MYO16: variants seen among roughly 807,000 people sequenced by gnomAD.
The protein encoded by MYO16 is unconventional myosin-XVI.
MYO16 carries 94 observed loss-of-function variants against 205.3 expected under a neutral mutation model. That is an observed-to-expected ratio of 0.46 (90% CI 0.39 to 0.54). The LOEUF is 0.54. MYO16 is among the 20% of genes least tolerant of loss of function. The pLI, the probability that MYO16 is intolerant of heterozygous loss-of-function variation, is 0.00. For synonymous variants in MYO16, 988 were observed against 954.0 expected (o/e 1.04, Z -0.66); for missense variants, 2,315 against 2,387.5 (o/e 0.97, Z 0.63).
intron 22 of MYO16, among the ~76,000 whole-genome samples, chr13:109,010,497 A>T (rs1444485230): frequency 2.0e-5 from 3 of 152,222 alleles, no homozygotes; most frequent in Non-Finnish European, 2.9e-5. Flanking sequence ...TTTGGAGCAG[A>T]ATCAGTTAGC....
chr13:109,146,546 G>A (rs1410284786), intron 32 of MYO16, among the ~76,000 whole-genome samples: 1 of 152,120 alleles, frequency 6.6e-6, no homozygotes, highest in East Asian at 1.9e-4. Context: ...CCTTTGGGAG[G>A]TTGAGGTGGA....
chr13:108,896,228 C>T (rs1260997121), intron 14 of MYO16, among the ~76,000 whole-genome samples: 1 of 152,022 alleles, frequency 6.6e-6, no homozygotes, highest in Non-Finnish European at 1.5e-5. Flanking sequence ...ATTTTTATGA[C>T]TTTAAAAATA....
At chr13:108,987,560 G>T (rs1450501576) in intron 20 of MYO16, among the ~76,000 whole-genome samples, 1 of 152,216 alleles carries the variant, frequency 6.6e-6, no homozygotes, top group Non-Finnish European at 1.5e-5. Flanking sequence ...GCATAGCTCG[G>T]CATCTCCAGG....
At position 108,901,050 on chromosome 13, in the gene MYO16, C is replaced by T. The variant is rs530868229; in HGVS notation, c.1777+2917C>T. Among the ~76,000 whole-genome samples, 149 of 152,240 alleles carry T rather than the reference C, an allele frequency of 9.8e-4. 1 individual carries two copies. The highest frequency in any genetic ancestry group is 3.4e-3 in the Middle Eastern group (1 of 294). On this transcript the variant is annotated intron_variant, in intron 15 of 34. Transcript: ENST00000457511. Reference sequence around the variant, plus strand: ...CACAGCACTCCCAGGCTTATTAGGACGAGGAAATTCCCGCCTAATAAATTT... The same window carrying T: ...CACAGCACTCCCAGGCTTATTAGGATGAGGAAATTCCCGCCTAATAAATTT...
rs75842231 is a variant in MYO16 at position 108,654,038 on chromosome 13, G to C, written c.29-11848G>C. On this transcript the variant is annotated intron_variant, in intron 1 of 34. Transcript: ENST00000457511. ...CACAGCATGGAGTGTCTCTGCTTGA[G>C]TCAAGGGGACATGTTTTTGTATCCT... is the stretch of plus-strand genomic sequence containing the variant. Among the ~76,000 whole-genome samples the C allele has an allele frequency of 9.8e-3, 1,495 of 152,152 alleles. 15 individuals carry two copies. Among genetic ancestry groups the C allele is most frequent in the Non-Finnish European group, 0.015 (1,038 of 68,004 alleles).
At chr13:108,809,506 G>A (rs886504932) in intron 7 of MYO16, among the ~76,000 whole-genome samples, 2 of 152,120 alleles carry the variant, frequency 1.3e-5, no homozygotes, top group African/African-American at 4.8e-5. Context: ...AATGTGAAGC[G>A]GGAACAGGCA....
chr13:109,001,518 G>C (rs1885211734), intron 21 of MYO16, among the ~76,000 whole-genome samples: 1 of 152,116 alleles, frequency 6.6e-6, no homozygotes, highest in African/African-American at 2.4e-5. Flanking sequence ...AAGAATGGTA[G>C]GAAAGAAAGG....
intron 16 of MYO16, 28 bp downstream of exon 16, chr13:108,910,178 A>G (rs1221723870): frequency 6.3e-7 from 1 of 1,593,278 alleles, no homozygotes; most frequent in East Asian, 2.2e-5. Context: ...TTGTATCTAA[A>G]AGCTATGCCT....
At chr13:109,071,945 A>G (rs553566124) in intron 27 of MYO16, among the ~76,000 whole-genome samples, 1 of 152,346 alleles carries the variant, frequency 6.6e-6, no homozygotes, top group South Asian at 2.1e-4. Flanking sequence ...CCACACTTGA[A>G]TGAAAAACTT....
intron 32 of MYO16, among the ~76,000 whole-genome samples, chr13:109,144,905 G>A (rs749921848): frequency 6.6e-5 from 10 of 152,276 alleles, no homozygotes; most frequent in Middle Eastern, 3.4e-3. Context: ...TGTTTCTTGC[G>A]TAATTCTACT....
chr13:108,708,186 T>C (rs990220121), intron 2 of MYO16, among the ~76,000 whole-genome samples: 1 of 152,238 alleles, frequency 6.6e-6, no homozygotes, highest in Non-Finnish European at 1.5e-5. Context: ...AATCTGTATT[T>C]CAGCAGCATT....
At chr13:108,962,654 G>C (rs993888217) in intron 19 of MYO16, among the ~76,000 whole-genome samples, 159 bp downstream of exon 19, 1 of 152,242 alleles carries the variant, frequency 6.6e-6, no homozygotes, top group African/African-American at 2.4e-5. Context: ...CATGACTATA[G>C]TGTAGACTCT....
intron 16 of MYO16, among the ~76,000 whole-genome samples, chr13:108,914,388 A>G (rs551186228): frequency 1.3e-5 from 2 of 152,206 alleles, no homozygotes; most frequent in African/African-American, 4.8e-5. Flanking sequence ...TGAACACAGC[A>G]TCTCTTTGCT....
At chr13:108,785,337 G>C (rs551374815) in intron 4 of MYO16, among the ~76,000 whole-genome samples, 1 of 152,184 alleles carries the variant, frequency 6.6e-6, no homozygotes, top group Admixed American at 6.5e-5. Flanking sequence ...CCAGCACAGA[G>C]GCATGGGTTT....
chr13:108,731,129 A>G (rs575850129), intron 4 of MYO16, among the ~76,000 whole-genome samples: 4 of 152,304 alleles, frequency 2.6e-5, no homozygotes, highest in African/African-American at 9.6e-5. Flanking sequence ...ATATTCAGTA[A>G]TTCTTTGTCT....
At chr13:109,151,753 G>A (rs1305941254) in intron 32 of MYO16, among the ~76,000 whole-genome samples, 2 of 152,152 alleles carry the variant, frequency 1.3e-5, no homozygotes, top group East Asian at 3.8e-4. Flanking sequence ...GGATAAACTG[G>A]GAAGAAGTAA....
At chr13:109,142,578 G>C (rs907441726) in intron 32 of MYO16, among the ~76,000 whole-genome samples, 1 of 152,162 alleles carries the variant, frequency 6.6e-6, no homozygotes, top group African/African-American at 2.4e-5. Flanking sequence ...GAAATTGGCT[G>C]TCCGCAACCA....
intron 28 of MYO16, among the ~76,000 whole-genome samples, chr13:109,115,360 A>G (rs1875628342): frequency 6.6e-6 from 1 of 152,170 alleles, no homozygotes; most frequent in African/African-American, 2.4e-5. Flanking sequence ...TAACAAGAAA[A>G]AAAACCTAAT....
At chr13:109,047,291 A>G (rs1887078349) in intron 24 of MYO16, among the ~76,000 whole-genome samples, 1 of 152,178 alleles carries the variant, frequency 6.6e-6, no homozygotes, top group Non-Finnish European at 1.5e-5. Context: ...AAGACTAATG[A>G]AGATGAGTAT....
Sources: allele counts gnomAD v4.1 joint callset (sites outside exome capture counted in the v4.1 genomes callset), GRCh38; gene constraint gnomAD v4.1.1; transcripts MANE v1.5; gene names NCBI Gene and HGNC (gene_info 2026-07-23, HGNC 2026-07-21).